Variants in EML6 observed in about 807,000 individuals in gnomAD.
The protein encoded by EML6 is EMAP like 6.
EML6 carries 154 observed loss-of-function variants against 240.1 expected under a neutral mutation model. That is an observed-to-expected ratio of 0.64 (90% confidence interval 0.56 to 0.73). EML6 has a LOEUF of 0.73. Among genes scored for constraint, EML6 ranks in the 30% least tolerant of loss-of-function variants. The probability of loss-of-function intolerance (pLI) is 0.00; values close to 1 mark genes in which losing one functional copy is unlikely to be tolerated. For missense variants in EML6, 2,964 were observed against 2,474.6 expected (o/e 1.20, Z -4.20); for synonymous variants, 1,148 against 899.0 (o/e 1.28, Z -4.95).
intron 36 of EML6, 133 bp downstream of exon 36, chr2:54,962,844 C>T: frequency 4.9e-6 from 3 of 612,892 alleles, no homozygotes; most frequent in Non-Finnish European, 7.6e-6. Flanking sequence ...AGTTAGAAAA[C>T]CTAACGATAA....
At chr2:54,805,389 A>C (rs1396515140) in intron 2 of EML6, among the ~76,000 whole-genome samples, 1 of 152,212 alleles carries the variant, frequency 6.6e-6, no homozygotes, top group Non-Finnish European at 1.5e-5. Flanking sequence ...GACTTTTCAA[A>C]GTGATTTATC....
At chr2:54,758,068 C>T (rs1667817527) in intron 2 of EML6, among the ~76,000 whole-genome samples, 1 of 152,068 alleles carries the variant, frequency 6.6e-6, no homozygotes. Context: ...CCGTAATTTT[C>T]ATTTCTATGA....
At chr2:54,900,959 C>T (rs952837447) in intron 22 of EML6, among the ~76,000 whole-genome samples, 2 of 152,160 alleles carry the variant, frequency 1.3e-5, no homozygotes, top group African/African-American at 4.8e-5. Flanking sequence ...AAATTGAGGT[C>T]TGACCCTAAA....
At chr2:54,958,833 A>AG (rs1676357124) in intron 33 of EML6, among the ~76,000 whole-genome samples, 1 of 152,094 alleles carries the variant, frequency 6.6e-6, no homozygotes, top group Non-Finnish European at 1.5e-5. Flanking sequence ...TGCTTACAGA[A>AG]GGGAAGTCCT....
At chr2:54,890,919 G>C (rs561291826) in intron 17 of EML6, 135 bp from the exon 18 acceptor site, 6 of 456,942 alleles carry the variant, frequency 1.3e-5, no homozygotes, top group African/African-American at 9.7e-5. Flanking sequence ...GTAGATGCCC[G>C]TGTGGATTTT....
At chr2:54,937,255 G>T (rs1675186164) in intron 28 of EML6, among the ~76,000 whole-genome samples, 1 of 150,046 alleles carries the variant, frequency 6.7e-6, no homozygotes, top group Admixed American at 6.7e-5. Flanking sequence ...TCCAGCCTGG[G>T]CAACAAGAGC....
Position 54,916,900 on chromosome 2 carries a change from T to A in EML6, c.3640T>A (p.Phe1214Ile). Residue 1214 changes from phenylalanine (F) to isoleucine (I), a missense_variant, in exon 26 of 42, where the codon TTT becomes ATT. Phe to Ile is a conservative substitution (Grantham distance 21, BLOSUM62 0). Coordinates refer to ENST00000356458, the MANE Select transcript of EML6 (RefSeq NM_001039753.4). ...TTCCCTTTTAGCCACCGGAGATGAT[T>A]TTGGTTTCGTTAAGCTTTTTTCATA... ...DCSLLATGDDFGFVKLFSYPV... is the reference protein window; with the variant it reads ...DCSLLATGDDIGFVKLFSYPV... 2 of 1,548,046 alleles carry A rather than the reference T, an allele frequency of 1.3e-6. No homozygotes were observed. Among genetic ancestry groups the A allele is most frequent in the Non-Finnish European group, 1.7e-6 (2 of 1,143,914 alleles).
At chr2:54,813,462 C>A in intron 3 of EML6, 71 bp downstream of exon 3, 3 of 1,268,226 alleles carry the variant, frequency 2.4e-6, no homozygotes, top group East Asian at 2.5e-5. Context: ...ATAGGAATAG[C>A]CAGTAGATTC....
rs1573025273 is a variant in EML6 at position 54,863,849 on chromosome 2, C to G, written c.1892C>G (p.Ser631Cys). 1 of 1,548,502 alleles carries G rather than the reference C, an allele frequency of 6.5e-7. No homozygotes were observed. Among genetic ancestry groups the G allele is most frequent in the East Asian group, 2.5e-5 (1 of 40,752 alleles). Residue 631 changes from serine (S) to cysteine (C), a missense_variant, in exon 13 of 42, where the codon TCT becomes TGT. By Grantham distance (112) the Ser-to-Cys change is moderately radical. Coordinates refer to ENST00000356458, the MANE Select transcript of EML6 (RefSeq NM_001039753.4). ...SDLSDVPELD[S>C]DIEQEAQINY... is the part of the protein sequence containing the mutation. ...TTATCTGATGTGCCCGAACTGGACT[C>G]TGATATTGAGCAAGAAGCTCAAATC... is the stretch of plus-strand genomic sequence containing the variant.
intron 16 of EML6, 46 bp from the exon 17 acceptor site, chr2:54,879,501 G>C (rs7594320): frequency 1.5e-6 from 2 of 1,291,252 alleles, no homozygotes; most frequent in Non-Finnish European, 2.2e-6. Context: ...GAAATGTTTT[G>C]TTTTTTCATG....
intron 28 of EML6, among the ~76,000 whole-genome samples, chr2:54,939,135 G>T (rs972054645): frequency 6.6e-6 from 1 of 152,234 alleles, no homozygotes; most frequent in Non-Finnish European, 1.5e-5. Context: ...CCATGGATTA[G>T]ATATCAAATT....
At chr2:54,740,739 T>C (rs1319629407) in intron 2 of EML6, among the ~76,000 whole-genome samples, 1 of 151,710 alleles carries the variant, frequency 6.6e-6, no homozygotes, top group East Asian at 1.9e-4. Context: ...CAATAAGAGA[T>C]ATTGTTACAG....
At chr2:54,746,631 GT>G (rs1483531360) in intron 2 of EML6, among the ~76,000 whole-genome samples, 2 of 152,124 alleles carry the variant, frequency 1.3e-5, no homozygotes, top group African/African-American at 4.8e-5. Context: ...TCAGGACTTA[GT>G]TTTTTTCTGA....
chr2:54,918,238 C>T (rs767458062), intron 26 of EML6, among the ~76,000 whole-genome samples: 3 of 152,188 alleles, frequency 2.0e-5, no homozygotes, highest in Non-Finnish European at 4.4e-5. Flanking sequence ...CCTCTGCTTT[C>T]ACAATCCCGA....
intron 24 of EML6, among the ~76,000 whole-genome samples, chr2:54,909,850 CAAAA>C (rs34171697): frequency 4.4e-5 from 3 of 68,524 alleles, no homozygotes; most frequent in Non-Finnish European, 3.0e-5. Flanking sequence ...GACTCCATCT[CAAAA>C]AAAAAAAAAA....
At chr2:54,813,836 C>T (rs1465902434) in intron 3 of EML6, among the ~76,000 whole-genome samples, 1 of 152,166 alleles carries the variant, frequency 6.6e-6, no homozygotes, top group Non-Finnish European at 1.5e-5. Flanking sequence ...GACTCTTTAC[C>T]CCTTGATGTC....
rs1460546079 is a variant in EML6, at chr2:54,866,892, G to C, written c.2051+8G>C. The C allele has an allele frequency of 2.0e-6, 3 of 1,510,520 alleles. No homozygotes were observed. Among genetic ancestry groups the C allele is most frequent in the Admixed American group, 2.0e-5 (1 of 50,848 alleles). The allele number at this position is 1,510,520 out of a possible 1,614,324, so 93.6% of individuals were successfully genotyped here. A position where few individuals can be genotyped will look rare whatever the true frequency, so the allele number is the denominator to read the frequency against. On this transcript the variant is annotated splice_region_variant and intron_variant, in intron 14 of 41. Coordinates refer to ENST00000356458, the MANE Select transcript of EML6 (RefSeq NM_001039753.4). ...ACTCCAGTTCATACACGGGTGGGTG[G>C]CCTGTCATGGGCGCCCGTATGTGTT... is the stretch of plus-strand genomic sequence containing the variant.
intron 2 of EML6, among the ~76,000 whole-genome samples, chr2:54,779,857 A>T (rs1668770195): frequency 8.1e-6 from 1 of 123,594 alleles, no homozygotes; most frequent in Non-Finnish European, 1.6e-5. Flanking sequence ...CCCAGTCTCA[A>T]AAAAAAAGAA....
At chr2:54,850,862 G>C (rs1670041256) in intron 10 of EML6, among the ~76,000 whole-genome samples, 1 of 152,172 alleles carries the variant, frequency 6.6e-6, no homozygotes, top group Non-Finnish European at 1.5e-5. Context: ...ATACTTTAAA[G>C]AACTTGAATA....
Sources: allele counts gnomAD v4.1 joint callset (sites outside exome capture counted in the v4.1 genomes callset), GRCh38; gene constraint gnomAD v4.1.1; transcripts MANE v1.5; gene names NCBI Gene and HGNC (gene_info 2026-07-23, HGNC 2026-07-21).